The following SHCBP1 variants were observed in gnomAD, a reference collection of about 807,000 sequenced individuals.
SHCBP1 encodes SHC SH2 domain-binding protein 1.
SHCBP1 carries 60 observed loss-of-function variants against 75.1 expected under a neutral mutation model. That is an observed-to-expected ratio of 0.80 (90% CI 0.65 to 0.99). SHCBP1 has a LOEUF of 0.99. Among genes scored for constraint, SHCBP1 ranks in the 50% least tolerant of loss-of-function variants. SHCBP1 has a pLI of 0.00. For synonymous variants in SHCBP1, 290 were observed against 293.2 expected, an observed-to-expected ratio of 0.99 and a Z score of 0.11; for missense variants, 709 against 809.4, an observed-to-expected ratio of 0.88 and a Z score of 1.50.
chr16:46,592,519 A>G (rs936563250), intron 10 of SHCBP1, among the ~76,000 whole-genome samples: 1 of 152,186 alleles, frequency 6.6e-6, no homozygotes, highest in Non-Finnish European at 1.5e-5. Flanking sequence ...TCCATCAAAC[A>G]TCTGAAGAAT....
chr16:46,603,828 T>G (rs1308406531), intron 7 of SHCBP1, 147 bp downstream of exon 7: 1 of 1,274,758 alleles, frequency 7.8e-7, no homozygotes, highest in Admixed American at 2.5e-5. Flanking sequence ...AAGTGACTAC[T>G]GCTGATGAAA....
chr16:46,583,737 T>C, intron 11 of SHCBP1, 80 bp from the exon 12 acceptor site: 3 of 1,496,652 alleles, frequency 2.0e-6, no homozygotes, highest in Non-Finnish European at 2.7e-6. Flanking sequence ...ATTCACACTA[T>C]TCTAAAAATA....
At chr16:46,597,847 C>A (rs1006616666) in intron 9 of SHCBP1, among the ~76,000 whole-genome samples, 7 of 152,200 alleles carry the variant, frequency 4.6e-5, no homozygotes, top group Non-Finnish European at 8.8e-5. Context: ...CTCTGCTTTA[C>A]CAAGTTTACC....
At chr16:46,615,276 A>G (rs948358118) in intron 4 of SHCBP1, among the ~76,000 whole-genome samples, 1 of 152,182 alleles carries the variant, frequency 6.6e-6, no homozygotes, top group African/African-American at 2.4e-5. Flanking sequence ...TCTGGTCAAC[A>G]GTAAGTTATT....
intron 8 of SHCBP1, among the ~76,000 whole-genome samples, chr16:46,600,443 A>C (rs1009573020): frequency 1.3e-5 from 2 of 151,984 alleles, no homozygotes; most frequent in African/African-American, 2.4e-5. Flanking sequence ...TCCAGCCTTC[A>C]TTCTGGGTGA....
intron 9 of SHCBP1, among the ~76,000 whole-genome samples, chr16:46,599,218 G>A (rs563707314): frequency 3.3e-5 from 5 of 152,206 alleles, no homozygotes; most frequent in Admixed American, 2.0e-4. Flanking sequence ...AGAGACCTAG[G>A]TGTCAGCCTA....
intron 5 of SHCBP1, 36 bp downstream of exon 5, chr16:46,608,261 C>T: frequency 6.7e-7 from 1 of 1,491,786 alleles, no homozygotes; most frequent in Non-Finnish European, 9.3e-7. Context: ...AACTATTTTT[C>T]CAACATGTAC....
At chr16:46,611,154 T>G (rs528101677) in intron 4 of SHCBP1, among the ~76,000 whole-genome samples, 1 of 152,318 alleles carries the variant, frequency 6.6e-6, no homozygotes, top group African/African-American at 2.4e-5. Context: ...AGTGTGGGTG[T>G]GTGAGTGCAC....
intron 4 of SHCBP1, among the ~76,000 whole-genome samples, chr16:46,613,954 C>T (rs1965457522): frequency 6.6e-6 from 1 of 152,252 alleles, no homozygotes; most frequent in South Asian, 2.1e-4. Context: ...TCAAATAATA[C>T]TACCAAATAA....
intron 10 of SHCBP1, among the ~76,000 whole-genome samples, chr16:46,588,087 T>C (rs1359246285): frequency 6.6e-6 from 1 of 151,994 alleles, no homozygotes; most frequent in African/African-American, 2.4e-5. Context: ...CATAACGAAA[T>C]GAAGGCACAA....
intron 10 of SHCBP1, among the ~76,000 whole-genome samples, chr16:46,591,042 T>C (rs1381246282): frequency 6.6e-6 from 1 of 152,160 alleles, no homozygotes; most frequent in Non-Finnish European, 1.5e-5. Context: ...CTGGAAACCA[T>C]CATTCTGAGC....
rs200964516 is a variant in SHCBP1 at position 46,592,303 on chromosome 16, A to T, written c.1464+3249T>A. Among the ~76,000 whole-genome samples the T allele has an allele frequency of 2.2e-3, 330 of 152,274 alleles. 6 individuals are homozygous for T. The East Asian group carries it at 0.054, about 25-fold the overall frequency. ...TATACCCTGCAGATATCAGAAGAATAAGGAAATACTACAAACAATTCTATG... is the reference window on the plus strand; with the variant it reads ...TATACCCTGCAGATATCAGAAGAATTAGGAAATACTACAAACAATTCTATG... On this transcript the variant is annotated intron_variant, in intron 10 of 12. Coordinates refer to ENST00000303383, the MANE Select transcript of SHCBP1 (RefSeq NM_024745.5).
intron 10 of SHCBP1, among the ~76,000 whole-genome samples, chr16:46,593,128 C>T (rs1264168058): frequency 1.3e-5 from 2 of 150,550 alleles, no homozygotes; most frequent in Non-Finnish European, 3.0e-5. Flanking sequence ...TGCAATAAGG[C>T]AAGGGGGGAA....
Position 46,580,469 on chromosome 16 carries a change from A to C in SHCBP1, c.*1260T>G, listed in dbSNP as rs965189448. On this transcript the variant is annotated 3_prime_UTR_variant, in exon 13 of 13. Coordinates refer to ENST00000303383, the MANE Select transcript of SHCBP1 (RefSeq NM_024745.5). Reference sequence around the variant, plus strand: ...TTCTAAAGCATGAAAACAGATACCAAAATACCATGTATTCTTAAATGACCA... The same window carrying C: ...TTCTAAAGCATGAAAACAGATACCACAATACCATGTATTCTTAAATGACCA... 8.5e-5 allele frequency: 13 copies of C among 152,208 alleles called. No individual in the cohort carries two copies. The highest frequency in any genetic ancestry group is 2.9e-4 in the African/African-American group (12 of 41,454). 9.4% of individuals were successfully genotyped at this position (152,208 alleles called of 1,614,324 possible).
At chr16:46,601,649 G>A (rs1965238775) in intron 8 of SHCBP1, among the ~76,000 whole-genome samples, 1 of 152,210 alleles carries the variant, frequency 6.6e-6, no homozygotes. Flanking sequence ...GACTCTGGAT[G>A]CCTGAATTAT....
At chr16:46,619,865 T>A (rs1965558497) in intron 1 of SHCBP1, among the ~76,000 whole-genome samples, 1 of 151,998 alleles carries the variant, frequency 6.6e-6, no homozygotes, top group Non-Finnish European at 1.5e-5. Flanking sequence ...TGAAACCCCG[T>A]CTCTACTAAA....
rs969691104 is a variant in SHCBP1 at position 46,604,000 on chromosome 16, G to A, written c.1067C>T (p.Pro356Leu). ...SLLTDRLCQE[P>L]GEEEREIQFH... Reference sequence around the variant, plus strand: ...CTGAATTTCTCTTTCTTCCTCACCAGGCTCCTGGCAAAGCCTGTCCGTAAG... The same window carrying A: ...CTGAATTTCTCTTTCTTCCTCACCAAGCTCCTGGCAAAGCCTGTCCGTAAG... The change falls in exon 7 of 13, where the codon CCT becomes CTT. Residue 356 changes from proline (P) to leucine (L), a missense_variant. Physicochemically the swap from Pro to Leu is moderately conservative, Grantham distance 98. Coordinates refer to ENST00000303383, the MANE Select transcript of SHCBP1 (RefSeq NM_024745.5). 1.2e-5 allele frequency: 20 copies of A among 1,611,982 alleles called. 1 individual carries two copies. Among genetic ancestry groups the A allele is most frequent in the Non-Finnish European group, 4.2e-6 (5 of 1,179,558 alleles).
intron 2 of SHCBP1, 59 bp from the exon 3 acceptor site, chr16:46,617,808 A>C: frequency 7.8e-7 from 1 of 1,281,576 alleles, no homozygotes. Flanking sequence ...GGAAGTTAAT[A>C]AATCCACTTT....
chr16:46,607,971 TG>T (rs754060679), intron 5 of SHCBP1, among the ~76,000 whole-genome samples: 24 of 152,376 alleles, frequency 1.6e-4, no homozygotes, highest in Admixed American at 9.1e-4. Flanking sequence ...ACTAGTTCAA[TG>T]TTCAATTGAA....
Sources: gnomAD v4.1 joint callset for allele counts (sites outside exome capture counted in the v4.1 genomes callset) on GRCh38, gnomAD v4.1.1 for gene constraint, MANE v1.5 for transcripts, NCBI Gene and HGNC (gene_info 2026-07-23, HGNC 2026-07-21) for gene names.